Variants in NAALADL2 observed in about 807,000 individuals in gnomAD.
NAALADL2 encodes the protein N-acetylated alpha-linked acidic dipeptidase like 2, also known as inactive N-acetylated-alpha-linked acidic dipeptidase-like protein 2.
A neutral mutation model predicts 87.2 loss-of-function variants in NAALADL2; 76 were observed. The ratio of observed to expected loss-of-function variants is 0.87; its 90% CI spans 0.72 to 1.05. The LOEUF is 1.05. Among genes scored for constraint, NAALADL2 ranks in the 50% least tolerant of loss-of-function variants. The pLI is 0.00. For missense variants in NAALADL2, 1,089 were observed against 945.8 expected (o/e 1.15, Z -1.99); for synonymous variants, 354 against 331.0 (o/e 1.07, Z -0.75).
intron 4 of NAALADL2, among the ~76,000 whole-genome samples, chr3:175,303,649 C>G (rs1408151521): frequency 1.3e-5 from 2 of 152,182 alleles, no homozygotes; most frequent in Non-Finnish European, 2.9e-5. Context: ...CATAGCGTTA[C>G]TTGCAGAATT....
chr3:175,414,051 C>T (rs1714124072), intron 5 of NAALADL2, among the ~76,000 whole-genome samples: 1 of 152,074 alleles, frequency 6.6e-6, no homozygotes, highest in Non-Finnish European at 1.5e-5. Context: ...CCATTTTTCC[C>T]CATTGGCTAA....
intron 13 of NAALADL2, among the ~76,000 whole-genome samples, chr3:175,795,215 T>C (rs2108313853): frequency 6.6e-6 from 1 of 152,362 alleles, no homozygotes; most frequent in East Asian, 1.9e-4. Context: ...GTTTCTGTTT[T>C]ATGTGAAAAT....
intron 3 of NAALADL2, among the ~76,000 whole-genome samples, chr3:174,802,502 C>CT (rs1469823759): frequency 3.3e-5 from 5 of 152,048 alleles, no homozygotes; most frequent in South Asian, 4.1e-4. Context: ...TATTATTATA[C>CT]TTTAAGTTCT....
chr3:175,479,851 T>C (rs1198783564), intron 9 of NAALADL2, among the ~76,000 whole-genome samples: 2 of 151,716 alleles, frequency 1.3e-5, no homozygotes, highest in East Asian at 3.9e-4. Context: ...CATTAAGCTA[T>C]TTTAATCCTG....
intron 12 of NAALADL2, among the ~76,000 whole-genome samples, chr3:175,739,227 AT>A (rs200742582): frequency 2.0e-5 from 3 of 151,852 alleles, no homozygotes; most frequent in Admixed American, 2.0e-4. Context: ...GCTAAAATCA[AT>A]TTTTTAAACA....
chr3:175,195,051 T>C (rs961805614), intron 2 of NAALADL2, among the ~76,000 whole-genome samples: 1 of 151,616 alleles, frequency 6.6e-6, no homozygotes, highest in African/African-American at 2.4e-5. Flanking sequence ...CTCTCCCTCC[T>C]CTAAGACTAT....
At chr3:174,903,827 T>A (rs1311321557) in intron 1 of NAALADL2, among the ~76,000 whole-genome samples, 1 of 151,760 alleles carries the variant, frequency 6.6e-6, no homozygotes. Context: ...ATTAAAACTT[T>A]TTCACAGTCA....
chr3:175,064,111 T>G (rs895354105), intron 1 of NAALADL2, among the ~76,000 whole-genome samples: 2 of 151,932 alleles, frequency 1.3e-5, no homozygotes, highest in Non-Finnish European at 2.9e-5. Flanking sequence ...GTTGTCTAGA[T>G]CTTATATAGA....
chr3:174,990,916 T>C (rs865998922), intron 1 of NAALADL2, among the ~76,000 whole-genome samples: 32 of 152,282 alleles, frequency 2.1e-4, no homozygotes, highest in African/African-American at 6.7e-4. Flanking sequence ...TAGAGCTTTG[T>C]TAGCTTTGAA....
intron 3 of NAALADL2, among the ~76,000 whole-genome samples, chr3:174,786,780 T>A (rs1716732064): frequency 6.6e-6 from 1 of 152,094 alleles, no homozygotes; most frequent in Non-Finnish European, 1.5e-5. Flanking sequence ...ATAAGGGTTA[T>A]GCCCTGTGAT....
intron 1 of NAALADL2, among the ~76,000 whole-genome samples, chr3:174,546,763 T>C (rs1722778493): frequency 6.6e-6 from 1 of 152,184 alleles, no homozygotes; most frequent in Admixed American, 6.5e-5. Context: ...GCTCAAGCAA[T>C]CCTCCCGCCT....
intron 3 of NAALADL2, among the ~76,000 whole-genome samples, chr3:174,835,287 G>C (rs1050590963): frequency 2.0e-5 from 3 of 151,974 alleles, no homozygotes; most frequent in African/African-American, 7.2e-5. Flanking sequence ...AATTGCTGCT[G>C]GGAAAACTAG....
chr3:175,667,975 A>C (rs747057650), intron 11 of NAALADL2, among the ~76,000 whole-genome samples: 2 of 152,142 alleles, frequency 1.3e-5, no homozygotes, highest in Non-Finnish European at 2.9e-5. Context: ...GGGACCATCC[A>C]GCCTGCAATG....
At chr3:174,794,102 T>C (rs1717789273) in intron 3 of NAALADL2, among the ~76,000 whole-genome samples, 2 of 152,190 alleles carry the variant, frequency 1.3e-5, no homozygotes, top group South Asian at 2.1e-4. Context: ...ACCCAGTTTT[T>C]AGTAGTTATG....
rs187308396 is a variant in NAALADL2, at chr3:174,740,273, C to A, written c.-9+2527C>A. Among the ~76,000 whole-genome samples, 1,001 of 152,020 alleles carry A rather than the reference C, an allele frequency of 6.6e-3. 4 individuals carry two copies. Among genetic ancestry groups the A allele is most frequent in the Non-Finnish European group, 0.011 (753 of 67,826 alleles). ...TTCCCAACATGAAAATAAATTAACACAAGCATCTAGATTGAGGTAGTTAAT... is the reference window on the plus strand; with the variant it reads ...TTCCCAACATGAAAATAAATTAACAAAAGCATCTAGATTGAGGTAGTTAAT... On this transcript the variant is annotated intron_variant, in intron 3 of 3. Coordinates refer to the NAALADL2 transcript ENST00000434257.
At chr3:175,376,750 G>A (rs2862012) in intron 5 of NAALADL2, among the ~76,000 whole-genome samples, 56,582 of 151,796 alleles carry the variant, frequency 0.37, 10,986 homozygotes, top group East Asian at 0.53. Flanking sequence ...TACATATATT[G>A]GATAGCTTGC....
chr3:175,427,771 TCTC>T (rs776909675), intron 5 of NAALADL2, among the ~76,000 whole-genome samples: 25 of 143,722 alleles, frequency 1.7e-4, no homozygotes, highest in Non-Finnish European at 3.4e-4. Flanking sequence ...TTTTTATACT[TCTC>T]CTCTAAGGTA....
At chr3:174,467,020 T>G (rs930764255) in intron 1 of NAALADL2, among the ~76,000 whole-genome samples, 6 of 152,170 alleles carry the variant, frequency 3.9e-5, no homozygotes, top group Admixed American at 3.9e-4. Context: ...GAAGTTGTTT[T>G]TTTTTATGGT....
Position 175,794,677 on chromosome 3 carries a change from T to C in NAALADL2, c.2190-8328T>C, listed in dbSNP as rs6769242. On this transcript the variant is annotated intron_variant, in intron 13 of 13. Transcript: ENST00000454872. ...TGACAGTAACTGCAAAAGAACACAG[T>C]TGTTTACTCCCTCTACAGTCCTCTG... is the stretch of plus-strand genomic sequence containing the variant. Among the ~76,000 whole-genome samples the C allele has an allele frequency of 8.9e-3, 1,351 of 152,276 alleles. 23 individuals carry two copies. The highest frequency in any genetic ancestry group is 0.028 in the African/African-American group (1,175 of 41,562).
Sources: gnomAD v4.1 joint callset for allele counts (sites outside exome capture counted in the v4.1 genomes callset) on GRCh38, gnomAD v4.1.1 for gene constraint, MANE v1.5 for transcripts, NCBI Gene and HGNC (gene_info 2026-07-23, HGNC 2026-07-21) for gene names.